Variants in ST3GAL1 observed in about 807,000 individuals in gnomAD.
ST3GAL1 encodes the protein CMP-N-acetylneuraminate-beta-galactosamide-alpha-2,3-sialyltransferase 1.
In ST3GAL1, 16 loss-of-function variants were observed where a neutral mutation model predicts 34.1. The observed-to-expected ratio is 0.47, with a 90% CI of 0.32 to 0.71. ST3GAL1 has a LOEUF of 0.71. Ranked by LOEUF, ST3GAL1 falls within the 30% of genes least tolerant of loss-of-function variation. ST3GAL1 has a pLI of 0.04. For synonymous variants in ST3GAL1, 191 were observed against 184.7 expected, an observed-to-expected ratio of 1.03 and a Z score of -0.28; for missense variants, 353 against 447.4, an observed-to-expected ratio of 0.79 and a Z score of 1.90.
intron 3 of ST3GAL1, among the ~76,000 whole-genome samples, chr8:133,477,226 G>C (rs1816212765): frequency 6.6e-6 from 1 of 152,200 alleles, no homozygotes; most frequent in South Asian, 2.1e-4. Flanking sequence ...ATGAAGATAA[G>C]ATAAAATGAT....
chr8:133,524,595 G>A (rs1217335029), intron 2 of ST3GAL1, among the ~76,000 whole-genome samples: 6 of 152,262 alleles, frequency 3.9e-5, no homozygotes, highest in Non-Finnish European at 5.9e-5. Flanking sequence ...CAAGCCAGGC[G>A]TGAAGCAGCA....
chr8:133,531,672 G>C (rs2403984), intron 2 of ST3GAL1, among the ~76,000 whole-genome samples: 51,717 of 151,904 alleles, frequency 0.34, 9,614 homozygotes, highest in African/African-American at 0.47. Context: ...GGGGTGAGGG[G>C]AGGGAGAGCA....
rs1362564999 is a variant in ST3GAL1 at position 133,571,134 on chromosome 8, T to C, written c.-582+559A>G. Among the ~76,000 whole-genome samples, 1 of 152,164 alleles carries C rather than the reference T, an allele frequency of 6.6e-6. No individual in the cohort carries two copies. Among genetic ancestry groups the C allele is most frequent in the African/African-American group, 2.4e-5 (1 of 41,444 alleles). ...GGATCTGCGCCTGCTTGCAGCGGAT[T>C]GGGGGACTCGATCCGGATACTGTCC... On this transcript the variant is annotated intron_variant, in intron 1 of 9. Transcript: ENST00000522652. This position sits in a 1 kb window ranked among gnomAD's most constrained non-coding sequence, Gnocchi z 6.7.
chr8:133,545,784 T>G lies in ST3GAL1; in HGVS notation c.-439A>C, dbSNP rs1041646234. 4 of 152,226 alleles carry G rather than the reference T, an allele frequency of 2.6e-5. No homozygotes were observed. The highest frequency in any genetic ancestry group is 9.6e-5 in the African/African-American group (4 of 41,458). The allele number at this position is 152,226 out of a possible 1,614,324, so 9.4% of individuals were successfully genotyped here. On this transcript the variant is annotated 5_prime_UTR_variant, in exon 2 of 10. Transcript: ENST00000522652. ...GATTAGTCACTTTACCTCCATAGGC[T>G]GAGTGACCGTCCATCTCTGGTCCCC...
At chr8:133,474,824 T>A (rs1816106847) in intron 5 of ST3GAL1, among the ~76,000 whole-genome samples, 1 of 152,156 alleles carries the variant, frequency 6.6e-6, no homozygotes, top group Non-Finnish European at 1.5e-5. Context: ...CCTCTAAGTT[T>A]CTATGACAAA....
At position 133,569,304 on chromosome 8, in the gene ST3GAL1, T is replaced by A. The variant is rs577226036; in HGVS notation, c.-582+2389A>T. On this transcript the variant is annotated intron_variant, in intron 1 of 9. Transcript: ENST00000522652. ...AGGAGAAGGAGCCCTCTATTCATTC[T>A]TTATTTAGCAAAAAGTGTACGATGG... is the stretch of plus-strand genomic sequence containing the variant. Among the ~76,000 whole-genome samples the A allele has an allele frequency of 2.6e-5, 4 of 152,316 alleles. No individual in the cohort carries two copies. The South Asian group carries it at 8.3e-4, about 32-fold the overall frequency.
chr8:133,501,744 C>T (rs375561506), intron 2 of ST3GAL1, among the ~76,000 whole-genome samples: 37 of 104,068 alleles, frequency 3.6e-4, no homozygotes, highest in African/African-American at 1.5e-3. Flanking sequence ...AGTGAAACTC[C>T]GTCTCAAAAC....
intron 2 of ST3GAL1, among the ~76,000 whole-genome samples, chr8:133,541,120 T>TATATATATATATATAGAGAG (rs71299078): frequency 2.1e-5 from 1 of 48,628 alleles, no homozygotes; most frequent in African/African-American, 9.9e-5. Flanking sequence ...TATATATATA[T>TATATATATATATATAGAGAG]AGAGAGAGAG....
Position 133,489,729 on chromosome 8 carries a change from C to T in ST3GAL1, c.-374+9406G>A, listed in dbSNP as rs552709530. ...CCCTCCCATAGAAATGTAGTCAACA[C>T]CAGTAGAGCCAGAGGGCAAGGTCCC... is the stretch of plus-strand genomic sequence containing the variant. On this transcript the variant is annotated intron_variant, in intron 3 of 9. Coordinates refer to ENST00000522652, the MANE Select transcript of ST3GAL1 (RefSeq NM_173344.3). The T allele has an allele frequency of 4.6e-5, 7 of 152,356 alleles. No homozygotes were observed. In the South Asian group the frequency reaches 1.5e-3, roughly 32 times the overall value. The allele number at this position is 152,356 out of a possible 1,614,324, so 9.4% of individuals were successfully genotyped here. A position where few individuals can be genotyped will look rare whatever the true frequency, so the allele number is the denominator to read the frequency against.
chr8:133,463,428 C>T lies in ST3GAL1; in HGVS notation c.715G>A (p.Val239Met). The T allele has an allele frequency of 6.2e-7, 1 of 1,614,022 alleles. No homozygotes were observed. Among genetic ancestry groups the T allele is most frequent in the Non-Finnish European group, 8.5e-7 (1 of 1,179,988 alleles). ...CCTCCACTCACCTTATCCTGTTTCACTCTGATCTTTGCAGGAACCGGGATG... is the reference window on the plus strand; with the variant it reads ...CCTCCACTCACCTTATCCTGTTTCATTCTGATCTTTGCAGGAACCGGGATG... ...TYIPVPAKIRVKQDKILIYHP... is the reference protein window; with the variant it reads ...TYIPVPAKIRMKQDKILIYHP... Residue 239 changes from valine (V) to methionine (M), a missense_variant, in exon 8 of 10, where the codon GTG becomes ATG. By Grantham distance (21) the Val-to-Met change is conservative. Coordinates refer to ENST00000522652, the MANE Select transcript of ST3GAL1 (RefSeq NM_173344.3).
At chr8:133,558,437 C>T (rs1212807806) in intron 1 of ST3GAL1, among the ~76,000 whole-genome samples, 2 of 152,168 alleles carry the variant, frequency 1.3e-5, no homozygotes, top group Non-Finnish European at 2.9e-5. Flanking sequence ...AGAGCTAATA[C>T]TTTTATGAGT....
intron 2 of ST3GAL1, among the ~76,000 whole-genome samples, chr8:133,532,856 C>G (rs955257243): frequency 6.6e-6 from 1 of 152,186 alleles, no homozygotes; most frequent in African/African-American, 2.4e-5. Flanking sequence ...CATGCTCCTC[C>G]CCAGCGTGGA....
intron 2 of ST3GAL1, among the ~76,000 whole-genome samples, chr8:133,531,117 G>T (rs1818139843): frequency 1.3e-5 from 2 of 151,550 alleles, no homozygotes; most frequent in South Asian, 4.2e-4. Flanking sequence ...GCTGCCTTAA[G>T]AAATAGCTCT....
intron 2 of ST3GAL1, among the ~76,000 whole-genome samples, chr8:133,543,058 C>T (rs1484538089): frequency 6.6e-6 from 1 of 152,116 alleles, no homozygotes; most frequent in East Asian, 1.9e-4. Flanking sequence ...AGTGGAGACA[C>T]CTGGAAGACA....
At chr8:133,566,390 T>C (rs935822234) in intron 1 of ST3GAL1, among the ~76,000 whole-genome samples, 1 of 152,208 alleles carries the variant, frequency 6.6e-6, no homozygotes, top group Admixed American at 6.5e-5. Flanking sequence ...CTGTCTCCCG[T>C]AGGCTCTGTC....
chr8:133,541,120 T>TATATATATATATATATATAG (rs71299078), intron 2 of ST3GAL1, among the ~76,000 whole-genome samples: 1 of 48,628 alleles, frequency 2.1e-5, no homozygotes, highest in African/African-American at 9.9e-5. Context: ...TATATATATA[T>TATATATATATATATATATAG]AGAGAGAGAG....
rs1815770724 is a variant in ST3GAL1 at position 133,467,162 on chromosome 8, A to G, written c.307-1072T>C. The stretch of plus-strand genomic sequence containing the variant: ...GCAGATTGAATGCCAGTCTTATTCC[A>G]GGGTGACTAAATATTACTTATTTGC... On this transcript the variant is annotated intron_variant, in intron 5 of 9. Transcript: ENST00000522652. The surrounding 1 kb of genome is among the most constrained non-coding windows in gnomAD (Gnocchi z 4.2). 6.6e-6 allele frequency among the ~76,000 whole-genome samples: 1 copy of G among 151,836 alleles called. No homozygotes were observed. Among genetic ancestry groups the G allele is most frequent in the South Asian group, 2.1e-4 (1 of 4,816 alleles).
intron 8 of ST3GAL1, among the ~76,000 whole-genome samples, chr8:133,463,039 G>A (rs1815569771): frequency 6.6e-6 from 1 of 152,248 alleles, no homozygotes; most frequent in Non-Finnish European, 1.5e-5. Flanking sequence ...GACATGGAAA[G>A]AGATGGAGAA....
chr8:133,480,456 G>C (rs1021651391), intron 3 of ST3GAL1, among the ~76,000 whole-genome samples: 6 of 152,104 alleles, frequency 3.9e-5, no homozygotes, highest in African/African-American at 1.4e-4. Flanking sequence ...ACCCATCACA[G>C]GCTGGGATGC....
Sources: gnomAD v4.1 joint callset for allele counts (sites outside exome capture counted in the v4.1 genomes callset) on GRCh38, gnomAD v4.1.1 for gene constraint, Gnocchi (gnomAD v3.1) non-coding constraint, MANE v1.5 for transcripts, NCBI Gene and HGNC (gene_info 2026-07-23, HGNC 2026-07-21) for gene names.